The following RNLS variants were observed in gnomAD, a reference collection of about 807,000 sequenced individuals.
RNLS encodes the protein renalase.
A neutral mutation model predicts 39.8 loss-of-function variants in RNLS; 39 were observed. That is an observed-to-expected ratio of 0.98 (90% CI 0.76 to 1.28). RNLS has a LOEUF of 1.28. RNLS is among the 50% of genes most tolerant of loss of function. RNLS has a pLI of 0.00. For synonymous variants in RNLS, 147 were observed against 150.7 expected, an observed-to-expected ratio of 0.98 and a Z score of 0.18; for missense variants, 410 against 413.3, an observed-to-expected ratio of 0.99 and a Z score of 0.07.
chr10:88,195,188 A>G, the RNLS span, among the ~76,000 whole-genome samples: 1 of 152,250 alleles, frequency 6.6e-6, no homozygotes, highest in African/African-American at 2.4e-5. Flanking sequence ...AAGGAAAAGT[A>G]AAAAGGAAAG....
chr10:88,215,494 C>T, the RNLS span, among the ~76,000 whole-genome samples: 2 of 152,202 alleles, frequency 1.3e-5, no homozygotes, highest in Admixed American at 6.5e-5. Context: ...AATAACTTTG[C>T]CTTGGGAAGT....
intron 5 of RNLS, 96 bp from the exon 6 acceptor site, chr10:88,314,737 A>C (rs1400174807): frequency 9.8e-7 from 1 of 1,021,380 alleles, no homozygotes; most frequent in African/African-American, 1.6e-5. Flanking sequence ...TGATCACAAT[A>C]ATCAAGCAAT....
downstream of RNLS, among the ~76,000 whole-genome samples, chr10:88,281,429 C>T (rs1236839861): frequency 6.6e-6 from 1 of 152,144 alleles, no homozygotes; most frequent in African/African-American, 2.4e-5. Flanking sequence ...CTGCCTGTGA[C>T]CTTGTCAACA....
chr10:88,224,320 A>G, the RNLS span, among the ~76,000 whole-genome samples: 2 of 152,170 alleles, frequency 1.3e-5, no homozygotes, highest in South Asian at 4.1e-4. Context: ...ACCACCTCCT[A>G]AAGCCTCACT....
At chr10:88,494,412 C>A (rs922922123) in intron 4 of RNLS, among the ~76,000 whole-genome samples, 3 of 152,044 alleles carry the variant, frequency 2.0e-5, no homozygotes, top group African/African-American at 7.2e-5. Context: ...AAGTAAAGAG[C>A]TTAAATGTGA....
intron 4 of RNLS, among the ~76,000 whole-genome samples, chr10:88,563,636 A>G (rs1475771426): frequency 4.6e-5 from 7 of 152,188 alleles, no homozygotes; most frequent in Admixed American, 3.9e-4. Context: ...ACAGAGTGAC[A>G]GGAGGATGTG....
the RNLS span, among the ~76,000 whole-genome samples, chr10:88,263,431 G>A: frequency 6.6e-6 from 1 of 152,116 alleles, no homozygotes. Flanking sequence ...GTCAATAACA[G>A]CACCATCACA....
At chr10:88,398,231 G>T (rs1852687688) in intron 4 of RNLS, among the ~76,000 whole-genome samples, 1 of 152,078 alleles carries the variant, frequency 6.6e-6, no homozygotes, top group Non-Finnish European at 1.5e-5. Context: ...AGGGAAAATT[G>T]TGAACAAGAG....
intron 4 of RNLS, among the ~76,000 whole-genome samples, chr10:88,386,732 A>G (rs1851881826): frequency 6.6e-6 from 1 of 152,174 alleles, no homozygotes; most frequent in Non-Finnish European, 1.5e-5. Context: ...AGGGCTGAGG[A>G]CACCCACTTA....
chr10:88,293,097 T>C (rs1259175614), intron 6 of RNLS, among the ~76,000 whole-genome samples: 1 of 152,052 alleles, frequency 6.6e-6, no homozygotes, highest in Non-Finnish European at 1.5e-5. Flanking sequence ...CTCCAATGTC[T>C]GACAGTGACT....
chr10:88,321,016 A>G (rs1052196099), intron 5 of RNLS, among the ~76,000 whole-genome samples: 1 of 151,930 alleles, frequency 6.6e-6, no homozygotes, highest in Admixed American at 6.6e-5. Context: ...ATCTGTGCAC[A>G]GAACAGTCTC....
chr10:88,295,984 A>G (rs1397470999), intron 6 of RNLS, among the ~76,000 whole-genome samples: 1 of 152,164 alleles, frequency 6.6e-6, no homozygotes, highest in Admixed American at 6.5e-5. Flanking sequence ...ACAGAACAAT[A>G]GTCATATTAC....
intron 4 of RNLS, among the ~76,000 whole-genome samples, chr10:88,516,910 C>T (rs1203927987): frequency 6.6e-6 from 1 of 151,918 alleles, no homozygotes; most frequent in Non-Finnish European, 1.5e-5. Context: ...TGTTCATTTT[C>T]CTTCAGATTT....
At chr10:88,217,738 G>GAAAA in the RNLS span, among the ~76,000 whole-genome samples, 35 of 97,604 alleles carry the variant, frequency 3.6e-4, 1 homozygote, top group African/African-American at 1.1e-3. Context: ...GCCTTCAAAT[G>GAAAA]AAAAAAAAAA....
intron 4 of RNLS, among the ~76,000 whole-genome samples, chr10:88,508,389 G>A (rs1437352603): frequency 6.6e-6 from 1 of 152,102 alleles, no homozygotes; most frequent in African/African-American, 2.4e-5. Flanking sequence ...TCTACCATGT[G>A]GATATGTTGT....
chr10:88,526,927 G>A (rs540136836), intron 4 of RNLS, among the ~76,000 whole-genome samples: 3 of 152,096 alleles, frequency 2.0e-5, no homozygotes, highest in East Asian at 3.9e-4. Context: ...AGGTGTCTCT[G>A]GAGGCACCAG....
intron 4 of RNLS, among the ~76,000 whole-genome samples, chr10:88,534,713 T>G (rs1847639305): frequency 6.6e-6 from 1 of 152,180 alleles, no homozygotes; most frequent in Non-Finnish European, 1.5e-5. Flanking sequence ...ATTTGTTGGC[T>G]AAATGAATAA....
the RNLS span, among the ~76,000 whole-genome samples, chr10:88,259,819 C>G: frequency 1.2e-3 from 185 of 152,302 alleles, 1 homozygote; most frequent in Non-Finnish European, 1.2e-3. Flanking sequence ...TCGTGGCTCA[C>G]TGCAACCTTT....
the RNLS span, among the ~76,000 whole-genome samples, chr10:88,235,818 A>G: frequency 6.3e-4 from 95 of 151,350 alleles, no homozygotes; most frequent in Non-Finnish European, 8.6e-4. Flanking sequence ...TTTTGTTGTT[A>G]TTGCTGTTGT....
Sources: gnomAD v4.1 joint callset for allele counts (sites outside exome capture counted in the v4.1 genomes callset) on GRCh38, gnomAD v4.1.1 for gene constraint, MANE v1.5 for transcripts, NCBI Gene and HGNC (gene_info 2026-07-23, HGNC 2026-07-21) for gene names.